Variants in ATAD3C observed in about 807,000 individuals in gnomAD.
ATAD3C encodes ATPase family AAA domain-containing protein 3C.
In ATAD3C, 38 loss-of-function variants were observed where a neutral mutation model predicts 46.3. The observed-to-expected ratio is 0.82, with a 90% CI of 0.63 to 1.08. The LOEUF is 1.08. ATAD3C is among the 50% of genes least tolerant of loss of function. ATAD3C has a pLI of 0.00. For synonymous variants in ATAD3C, 220 were observed against 236.4 expected (o/e 0.93, Z 0.63); for missense variants, 563 against 572.7 (o/e 0.98, Z 0.17).
intron 3 of ATAD3C, among the ~76,000 whole-genome samples, chr1:1,453,733 G>A (rs373425418): frequency 6.6e-6 from 1 of 151,488 alleles, no homozygotes; most frequent in Non-Finnish European, 1.5e-5. Flanking sequence ...TCCGACTCGC[G>A]GGTTCAAGTG....
intron 9 of ATAD3C, among the ~76,000 whole-genome samples, chr1:1,460,497 G>A (rs957239803): frequency 2.0e-5 from 3 of 152,018 alleles, no homozygotes; most frequent in Non-Finnish European, 4.4e-5. Flanking sequence ...GCTGGGCGAC[G>A]GTCAGCGGGG....
chr1:1,452,808 AAAAGAAAG>A (rs796788021), intron 3 of ATAD3C, among the ~76,000 whole-genome samples: 1 of 129,080 alleles, frequency 7.7e-6, no homozygotes, highest in African/African-American at 3.4e-5. Flanking sequence ...AAAAAAAAAA[AAAAGAAAG>A]AAAGAAAGAA....
Position 1,459,077 on chromosome 1 carries a change from G to T in ATAD3C, c.742-84G>T. On this transcript the variant is annotated intron_variant, in intron 8 of 11. Transcript: ENST00000378785. This position sits in a 1 kb window ranked among gnomAD's most constrained non-coding sequence, Gnocchi z 4.9. ...TGTCGCCATGTCCCTGCTCCCTGCA[G>T]GAGGGAGGCCTGTGGGACTTTCTGC... is the stretch of plus-strand genomic sequence containing the variant. 6.4e-7 allele frequency: 1 copy of T among 1,565,666 alleles called. No homozygotes were observed.
At chr1:1,454,741 G>A (rs1356730670) in intron 4 of ATAD3C, among the ~76,000 whole-genome samples, 1 of 151,838 alleles carries the variant, frequency 6.6e-6, no homozygotes, top group African/African-American at 2.4e-5. Flanking sequence ...GGGCCTGGGA[G>A]CACATCGGGG....
In ATAD3C at chr1:1,452,394, T is replaced by G. The variant is rs1638877692; in HGVS notation, c.182T>G (p.Phe61Cys). The G allele has an allele frequency of 5.0e-6, 8 of 1,613,796 alleles. No homozygotes were observed. Among genetic ancestry groups the G allele is most frequent in the Non-Finnish European group, 5.1e-6 (6 of 1,179,760 alleles). Residue 61 changes from phenylalanine to cysteine, a missense_variant, in exon 3 of 12, where the codon TTC becomes TGC. Transcript: ENST00000378785. Reference sequence around the variant, plus strand: ...GCTGGCACCTTGTTTGGGGAAGGATTCCGTGCCTTTGTGACAGACCGGGAC... The same window carrying G: ...GCTGGCACCTTGTTTGGGGAAGGATGCCGTGCCTTTGTGACAGACCGGGAC... ...RAAGTLFGEG[F>C]RAFVTDRDKV...
At chr1:1,455,011 C>G (rs1190721155) in intron 4 of ATAD3C, among the ~76,000 whole-genome samples, 2 of 151,202 alleles carry the variant, frequency 1.3e-5, no homozygotes, top group East Asian at 1.9e-4. Flanking sequence ...GTCAGGACAT[C>G]GAGACCATCC....
rs538836491 is a variant in ATAD3C, at chr1:1,450,322, CAAAAAA to C, written c.-348_-343del. On this transcript the variant is annotated 5_prime_UTR_variant, in exon 1 of 12. Transcript: ENST00000378785. Reference sequence around the variant, plus strand: ...CCTGGGCCAGAATGAGACTCCGTCTCAAAAAAAAAAAAAAAAAAAGCATGTGTAACG... The same window carrying C: ...CCTGGGCCAGAATGAGACTCCGTCTCAAAAAAAAAAAAAGCATGTGTAACG... 7.6e-4 allele frequency: 83 copies of C among 109,456 alleles called. No individual in the cohort carries two copies. The highest frequency in any genetic ancestry group is 3.3e-3 in the East Asian group (16 of 4,882). 6.8% of individuals were successfully genotyped at this position (109,456 alleles called of 1,614,324 possible).
intron 3 of ATAD3C, among the ~76,000 whole-genome samples, chr1:1,452,825 AAAG>A (rs138248614): frequency 0.3 from 45,571 of 149,660 alleles, 8,829 homozygotes; most frequent in East Asian, 0.52. Context: ...AGAAAGAAAG[AAAG>A]AAAAAACAGA....
intron 3 of ATAD3C, among the ~76,000 whole-genome samples, chr1:1,452,955 G>A (rs749327077): frequency 6.6e-6 from 1 of 151,956 alleles, no homozygotes; most frequent in South Asian, 2.1e-4. Context: ...CCCAGGCTCC[G>A]GCCTGCTGTG....
rs779593695 is a variant in ATAD3C at position 1,460,735 on chromosome 1, A to C, written c.813-15A>C. 1.4e-5 allele frequency: 22 copies of C among 1,592,100 alleles called. No individual in the cohort carries two copies. In the South Asian group the frequency reaches 2.5e-4, roughly 18 times the overall value. On this transcript the variant is annotated splice_polypyrimidine_tract_variant and intron_variant, in intron 9 of 11. Coordinates refer to ENST00000378785, the MANE Select transcript of ATAD3C (RefSeq NM_001039211.3). ...CGGCAGCCCCAGCGTTTCCTTCCCC[A>C]TCCCCGCCCCGCAGATTCATGCTGA...
At chr1:1,452,565 A>T in intron 3 of ATAD3C, 131 bp downstream of exon 3, 1 of 1,452,446 alleles carries the variant, frequency 6.9e-7, no homozygotes. Flanking sequence ...AACAAGCCCA[A>T]ACTGGACCTG....
chr1:1,451,645 C>T (rs576128723), intron 1 of ATAD3C, among the ~76,000 whole-genome samples: 20 of 152,194 alleles, frequency 1.3e-4, no homozygotes, highest in African/African-American at 4.8e-4. Context: ...GGTGCCCGGC[C>T]GGTCACCTTC....
intron 8 of ATAD3C, among the ~76,000 whole-genome samples, chr1:1,458,625 G>T (rs933759415): frequency 2.6e-5 from 4 of 151,676 alleles, no homozygotes; most frequent in Admixed American, 6.6e-5. Context: ...GTTTCCCCTT[G>T]TTGCCCAGGC....
intron 11 of ATAD3C, among the ~76,000 whole-genome samples, chr1:1,463,404 GCAGCACATTATGTGTGA>G (rs907815838): frequency 6.6e-6 from 1 of 152,114 alleles, no homozygotes; most frequent in Non-Finnish European, 1.5e-5. Context: ...ACTCGATCTA[GCAGCACATTATGTGTGA>G]CAGCTTAATG....
At position 1,468,397 on chromosome 1, in the gene ATAD3C, C is replaced by T. The variant is rs1249624681; in HGVS notation, c.1103C>T (p.Ala368Val). 1 of 1,611,644 alleles carries T rather than the reference C, an allele frequency of 6.2e-7. No individual in the cohort carries two copies. Among genetic ancestry groups the T allele is most frequent in the East Asian group, 2.2e-5 (1 of 44,838 alleles). Residue 368 changes from alanine (A) to valine (V), a missense_variant, in exon 12 of 12, where the codon GCC (alanine) becomes GTC (valine). Transcript: ENST00000378785. Reference protein sequence around the residue: ...LAVSWQATAYASKDGVLTEAM... With the variant: ...LAVSWQATAYVSKDGVLTEAM... ...TCTCCCCACTAGGCCACGGCGTATG[C>T]CTCCAAGGACGGGGTCCTGACCGAG...
intron 7 of ATAD3C, 142 bp from the exon 8 acceptor site, chr1:1,456,987 G>C: frequency 8.7e-7 from 1 of 1,153,792 alleles, no homozygotes; most frequent in South Asian, 1.3e-5. Flanking sequence ...GCTTCTGTCA[G>C]GTCCAGGACT....
rs1241920825 is a variant in ATAD3C at position 1,462,575 on chromosome 1, G to T, written c.981-25G>T. 6.4e-7 allele frequency: 1 copy of T among 1,567,792 alleles called. No homozygotes were observed. On this transcript the variant is annotated intron_variant, in intron 10 of 11. Transcript: ENST00000378785. This position sits in a 1 kb window ranked among gnomAD's most constrained non-coding sequence, Gnocchi z 4.5. ...GGTGTGGGAGCTGCTGCCTTGGCCGGCCCACTTGGGAACTCCTTCCCCAGG... is the reference window on the plus strand; with the variant it reads ...GGTGTGGGAGCTGCTGCCTTGGCCGTCCCACTTGGGAACTCCTTCCCCAGG...
intron 11 of ATAD3C, among the ~76,000 whole-genome samples, chr1:1,464,916 C>T (rs911548539): frequency 3.9e-5 from 6 of 151,902 alleles, no homozygotes; most frequent in African/African-American, 1.2e-4. Context: ...GACTGAGTCT[C>T]GCTCTGTCGC....
In ATAD3C at chr1:1,462,090, C is replaced by T. The variant is rs1195401971; in HGVS notation, c.981-510C>T. Among the ~76,000 whole-genome samples, 1 of 152,066 alleles carries T rather than the reference C, an allele frequency of 6.6e-6. No individual in the cohort carries two copies. The highest frequency in any genetic ancestry group is 2.4e-5 in the African/African-American group (1 of 41,420). ...TGCACCTGACCCAAATCCCTGCTGT[C>T]GCCAGTGACGACAAAAGCTGCTCTG... On this transcript the variant is annotated intron_variant, in intron 10 of 11. Transcript: ENST00000378785. The surrounding 1 kb of genome is among the most constrained non-coding windows in gnomAD (Gnocchi z 4.5).
Sources: gnomAD v4.1 joint callset for allele counts (sites outside exome capture counted in the v4.1 genomes callset) on GRCh38, gnomAD v4.1.1 for gene constraint, Gnocchi (gnomAD v3.1) non-coding constraint, MANE v1.5 for transcripts, NCBI Gene and HGNC (gene_info 2026-07-23, HGNC 2026-07-21) for gene names.